The following CSNK1G2 variants were observed in gnomAD, a reference collection of about 807,000 sequenced individuals.
CSNK1G2 encodes the protein casein kinase 1 gamma 2, also known as casein kinase I isoform gamma-2.
Under a neutral mutation model 48.0 loss-of-function variants are expected in CSNK1G2, and 11 were observed. That is an observed-to-expected ratio of 0.23 (90% CI 0.14 to 0.38). The LOEUF is 0.38. Ranked by LOEUF, CSNK1G2 falls within the 10% of genes least tolerant of loss-of-function variation. The pLI, the probability that CSNK1G2 is intolerant of heterozygous loss-of-function variation, is 1.00. For synonymous variants in CSNK1G2, 337 were observed against 254.1 expected (o/e 1.33, Z -3.10); for missense variants, 446 against 595.5 (o/e 0.75, Z 2.61).
In CSNK1G2 at chr19:1,969,733, C is replaced by T; in HGVS notation, c.-40C>T. The T allele has an allele frequency of 8.0e-7, 1 of 1,254,746 alleles. No homozygotes were observed. The highest frequency in any genetic ancestry group is 2.5e-4 in the Middle Eastern group (1 of 4,040). The allele number at this position is 1,254,746 out of a possible 1,614,324, so 77.7% of individuals were successfully genotyped here. A position where few individuals can be genotyped will look rare whatever the true frequency, so the allele number is the denominator to read the frequency against. Reference sequence around the variant, plus strand: ...TTCCAGAGACTTGGGATTTGCACGGCAGCAGAGTCACCGTGGAGAGGCCAG... The same window carrying T: ...TTCCAGAGACTTGGGATTTGCACGGTAGCAGAGTCACCGTGGAGAGGCCAG... On this transcript the variant is annotated 5_prime_UTR_variant, in exon 2 of 12. Coordinates refer to ENST00000255641, the MANE Select transcript of CSNK1G2 (RefSeq NM_001319.7).
rs905046084 is a variant in CSNK1G2 at position 1,978,776 on chromosome 19, G to C, written c.447+26G>C. On this transcript the variant is annotated intron_variant, in intron 5 of 11. Coordinates refer to ENST00000255641, the MANE Select transcript of CSNK1G2 (RefSeq NM_001319.7). This position sits in a 1 kb window ranked among gnomAD's most constrained non-coding sequence, Gnocchi z 7.3. The stretch of plus-strand genomic sequence containing the variant: ...GTGCGCGGCGGGCGGGGCGGGGCGG[G>C]GCTCGGAGGGAAGAGGGTGGCCCTG... The C allele has an allele frequency of 7.6e-6, 12 of 1,571,472 alleles. No homozygotes were observed. In the African/African-American group the frequency reaches 1.5e-4, roughly 20 times the overall value.
chr19:1,945,549 C>T (rs8105267), intron 1 of CSNK1G2, among the ~76,000 whole-genome samples: 27,087 of 152,110 alleles, frequency 0.18, 3,473 homozygotes, highest in African/African-American at 0.36. Flanking sequence ...TGGCCGGGCG[C>T]GGGGGCTCCC....
intron 1 of CSNK1G2, among the ~76,000 whole-genome samples, chr19:1,945,310 C>T (rs8104991): frequency 0.082 from 12,510 of 152,266 alleles, 611 homozygotes; most frequent in East Asian, 0.15. Context: ...CCCTGGCCCC[C>T]GGTGCGGCTG....
At chr19:1,944,026 A>G (rs888669465) in intron 1 of CSNK1G2, among the ~76,000 whole-genome samples, 1 of 151,808 alleles carries the variant, frequency 6.6e-6, no homozygotes, top group Non-Finnish European at 1.5e-5. Context: ...CCCAGAGGGG[A>G]CACAGGGCCC....
intron 1 of CSNK1G2, among the ~76,000 whole-genome samples, chr19:1,962,791 G>A (rs934554967): frequency 1.4e-5 from 2 of 141,102 alleles, no homozygotes; most frequent in Non-Finnish European, 3.0e-5. Context: ...CCTCAAAGAT[G>A]CACAGATCTC....
intron 1 of CSNK1G2, chr19:1,953,461 T>C (rs2014857845): frequency 1.9e-6 from 1 of 534,380 alleles, no homozygotes; most frequent in Admixed American, 1.9e-5. Flanking sequence ...GTTGATGGCG[T>C]CTGAGGCTCT....
rs771018253 is a variant in CSNK1G2 at position 1,980,354 on chromosome 19, G to A, written c.*151G>A. 38 of 938,624 alleles carry A rather than the reference G, an allele frequency of 4.0e-5. No homozygotes were observed. The highest frequency in any genetic ancestry group is 1.0e-5 in the Non-Finnish European group (6 of 601,894). The allele number at this position is 938,624 out of a possible 1,614,324, so 58.1% of individuals were successfully genotyped here. A position where few individuals can be genotyped will look rare whatever the true frequency, so the allele number is the denominator to read the frequency against. On this transcript the variant is annotated 3_prime_UTR_variant, in exon 12 of 12. Coordinates refer to ENST00000255641, the MANE Select transcript of CSNK1G2 (RefSeq NM_001319.7). ...ACTGCAGGGGCCGCGCCTGGCTCAG[G>A]CGGCCCCACCCCCGGGACGTGGGGT... is the stretch of plus-strand genomic sequence containing the variant.
rs746736275 is a variant in CSNK1G2 at position 1,980,340 on chromosome 19, C to G, written c.*137C>G. ...AAGCCAGAACGCAGACTGCAGGGGCCGCGCCTGGCTCAGGCGGCCCCACCC... is the reference window on the plus strand; with the variant it reads ...AAGCCAGAACGCAGACTGCAGGGGCGGCGCCTGGCTCAGGCGGCCCCACCC... On this transcript the variant is annotated 3_prime_UTR_variant, in exon 12 of 12. Coordinates refer to ENST00000255641, the MANE Select transcript of CSNK1G2 (RefSeq NM_001319.7). The G allele has an allele frequency of 2.7e-6, 3 of 1,097,916 alleles. No homozygotes were observed. Among genetic ancestry groups the G allele is most frequent in the African/African-American group, 1.6e-5 (1 of 63,158 alleles). 68.0% of individuals were successfully genotyped at this position (1,097,916 alleles called of 1,614,324 possible).
rs764514642 is a variant in CSNK1G2, at chr19:1,978,763, C to T, written c.447+13C>T. 10 of 221,662 alleles carry T rather than the reference C, an allele frequency of 4.5e-5. No homozygotes were observed. The highest frequency in any genetic ancestry group is 6.2e-5 in the Non-Finnish European group (8 of 129,178). The allele number at this position is 221,662 out of a possible 1,614,324, so 13.7% of individuals were successfully genotyped here. A position where few individuals can be genotyped will look rare whatever the true frequency, so the allele number is the denominator to read the frequency against. The stretch of plus-strand genomic sequence containing the variant: ...CGCCATCCAGCTGGTGCGCGGCGGG[C>T]GGGGCGGGGCGGGGCTCGGAGGGAA... On this transcript the variant is annotated intron_variant, in intron 5 of 11. Transcript: ENST00000255641. This position sits in a 1 kb window ranked among gnomAD's most constrained non-coding sequence, Gnocchi z 7.3.
chr19:1,972,692 G>A (rs918450660), intron 2 of CSNK1G2, among the ~76,000 whole-genome samples: 2 of 151,682 alleles, frequency 1.3e-5, no homozygotes, highest in African/African-American at 4.8e-5. Context: ...GCACCATCTC[G>A]GCTCACCACA....
chr19:1,953,792 C>G (rs755669015), intron 1 of CSNK1G2: 8 of 494,666 alleles, frequency 1.6e-5, no homozygotes, highest in Non-Finnish European at 2.5e-5. Flanking sequence ...CATCAGGGTC[C>G]GGTCCTGGCC....
At chr19:1,965,982 A>G (rs2015353866) in intron 1 of CSNK1G2, among the ~76,000 whole-genome samples, 2 of 150,828 alleles carry the variant, frequency 1.3e-5, no homozygotes, top group South Asian at 4.2e-4. Context: ...TTATTTTTGT[A>G]AAGATAGGGT....
At chr19:1,953,340 T>C (rs1439392860) in intron 1 of CSNK1G2, 8 of 530,220 alleles carry the variant, frequency 1.5e-5, no homozygotes, top group Non-Finnish European at 2.3e-5. Flanking sequence ...GCAGGGTTGC[T>C]GTGGGGGCCT....
intron 1 of CSNK1G2, among the ~76,000 whole-genome samples, chr19:1,949,365 G>A (rs1403435747): frequency 6.6e-6 from 1 of 152,174 alleles, no homozygotes; most frequent in Non-Finnish European, 1.5e-5. Context: ...GACTCTGAGG[G>A]CTCCAGGGAC....
At chr19:1,975,660 T>A (rs2015727754) in intron 2 of CSNK1G2, 2 of 985,432 alleles carry the variant, frequency 2.0e-6, no homozygotes, top group East Asian at 1.1e-4. Flanking sequence ...ACGCAAATGC[T>A]GGACTGAACC....
intron 1 of CSNK1G2, among the ~76,000 whole-genome samples, chr19:1,960,925 C>T (rs529230593): frequency 6.6e-6 from 1 of 152,352 alleles, no homozygotes; most frequent in African/African-American, 2.4e-5. Flanking sequence ...CGTTTCAGCC[C>T]CCTCTTCCTG....
chr19:1,980,363 C>A lies in CSNK1G2; in HGVS notation c.*160C>A, dbSNP rs1301946819. On this transcript the variant is annotated 3_prime_UTR_variant, in exon 12 of 12. Coordinates refer to ENST00000255641, the MANE Select transcript of CSNK1G2 (RefSeq NM_001319.7). ...GCCGCGCCTGGCTCAGGCGGCCCCACCCCCGGGACGTGGGGTCACTTCCTT... is the reference window on the plus strand; with the variant it reads ...GCCGCGCCTGGCTCAGGCGGCCCCAACCCCGGGACGTGGGGTCACTTCCTT... 15 of 841,696 alleles carry A rather than the reference C, an allele frequency of 1.8e-5. No individual in the cohort carries two copies. Among genetic ancestry groups the A allele is most frequent in the Non-Finnish European group, 2.9e-5 (15 of 519,142 alleles). The allele number at this position is 841,696 out of a possible 1,614,324, so 52.1% of individuals were successfully genotyped here.
intron 1 of CSNK1G2, among the ~76,000 whole-genome samples, chr19:1,942,865 C>T (rs986238081): frequency 6.6e-5 from 10 of 152,300 alleles, no homozygotes; most frequent in African/African-American, 2.4e-4. Context: ...TGTGTCTCCA[C>T]CAAAACGAAA....
intron 1 of CSNK1G2, among the ~76,000 whole-genome samples, chr19:1,953,164 C>T (rs1055295818): frequency 6.6e-6 from 1 of 152,190 alleles, no homozygotes; most frequent in African/African-American, 2.4e-5. Context: ...CCGGGACCTG[C>T]CGTGGGAGCT....
Sources: allele counts gnomAD v4.1 joint callset (sites outside exome capture counted in the v4.1 genomes callset), GRCh38; gene constraint gnomAD v4.1.1; non-coding constraint Gnocchi (gnomAD v3.1); transcripts MANE v1.5; gene names NCBI Gene and HGNC (gene_info 2026-07-23, HGNC 2026-07-21).